CDH4: variants seen among roughly 807,000 people sequenced by gnomAD.
The protein encoded by CDH4 is cadherin-4.
A neutral mutation model predicts 86.0 loss-of-function variants in CDH4; 33 were observed. The ratio of observed to expected loss-of-function variants is 0.38; its 90% CI spans 0.29 to 0.51. The LOEUF (loss-of-function observed/expected upper bound fraction) is 0.51, where lower values mean the gene tolerates loss of function less well. Among genes scored for constraint, CDH4 ranks in the 20% least tolerant of loss-of-function variants. The pLI is 0.86. For missense variants in CDH4, 1,114 were observed against 1,307.4 expected (o/e 0.85, Z 2.28); for synonymous variants, 555 against 549.4 (o/e 1.01, Z -0.14).
intron 3 of CDH4, among the ~76,000 whole-genome samples, chr20:61,771,728 G>A (rs957827063): frequency 1.3e-5 from 2 of 152,020 alleles, no homozygotes; most frequent in Non-Finnish European, 2.9e-5. Context: ...CTTCATGTCA[G>A]TCTTAAAAGA....
chr20:61,732,395 C>T (rs558948415), intron 2 of CDH4, among the ~76,000 whole-genome samples: 6 of 152,248 alleles, frequency 3.9e-5, no homozygotes, highest in African/African-American at 7.2e-5. Context: ...ATCCAGAAAT[C>T]GTACTGGGGC....
At chr20:61,612,977 C>A (rs1718918746) in intron 2 of CDH4, among the ~76,000 whole-genome samples, 1 of 152,006 alleles carries the variant, frequency 6.6e-6, no homozygotes, top group Non-Finnish European at 1.5e-5. Context: ...CAGAAAACGA[C>A]CATGAACAGC....
chr20:61,288,694 C>T (rs961822485), intron 2 of CDH4, among the ~76,000 whole-genome samples: 2 of 152,228 alleles, frequency 1.3e-5, no homozygotes, highest in African/African-American at 2.4e-5. Context: ...GCTGGGCTGC[C>T]GCGGCCGGCT....
rs1251289774 is a variant in CDH4 at position 61,654,756 on chromosome 20, TGCCCAGGATGGCCAGC to T, written c.170-88803_170-88788del. Among the ~76,000 whole-genome samples, 32 of 152,390 alleles carry T rather than the reference TGCCCAGGATGGCCAGC, an allele frequency of 2.1e-4. No homozygotes were observed. The South Asian group carries it at 6.0e-3, about 29-fold the overall frequency. On this transcript the variant is annotated intron_variant, in intron 2 of 15. Transcript: ENST00000614565. ...AGTGTGGTCTCACCACTGTCAGCTT[TGCCCAGGATGGCCAGC>T]GCCAGTGGCCGTTAAACCAGTGGGC...
At chr20:61,920,007 A>T (rs75523110) in intron 9 of CDH4, among the ~76,000 whole-genome samples, 1 of 84,624 alleles carries the variant, frequency 1.2e-5, no homozygotes, top group Non-Finnish European at 2.6e-5. Flanking sequence ...GTGTGGTGTC[A>T]CAGTGATTGC....
At chr20:61,319,729 T>C (rs1382178859) in intron 2 of CDH4, among the ~76,000 whole-genome samples, 1 of 151,790 alleles carries the variant, frequency 6.6e-6, no homozygotes, top group Non-Finnish European at 1.5e-5. Context: ...ATGGATCACT[T>C]GAGCCCAGGA....
chr20:61,786,113 G>A (rs1014184790), intron 4 of CDH4, among the ~76,000 whole-genome samples: 3 of 152,140 alleles, frequency 2.0e-5, no homozygotes, highest in East Asian at 1.9e-4. Context: ...GGGGGTCTTC[G>A]GCTCAGCCCT....
intron 6 of CDH4, among the ~76,000 whole-genome samples, chr20:61,868,876 G>A (rs62206357): frequency 0.51 from 77,117 of 150,364 alleles, 21,733 homozygotes; most frequent in Non-Finnish European, 0.62. Flanking sequence ...CATCCCAGCC[G>A]GGCACACCTG....
rs2087476285 is a variant in CDH4, at chr20:61,678,966, A to G, written c.170-64597A>G. Among the ~76,000 whole-genome samples, 3 of 152,228 alleles carry G rather than the reference A, an allele frequency of 2.0e-5. No homozygotes were observed. In the South Asian group the frequency reaches 6.2e-4, roughly 32 times the overall value. The stretch of plus-strand genomic sequence containing the variant: ...ACACTATTCATCCCTGCAGTGTCCA[A>G]GAGGGAGAGTATGAAAATGACTCAG... On this transcript the variant is annotated intron_variant, in intron 2 of 15. Coordinates refer to ENST00000614565, the MANE Select transcript of CDH4 (RefSeq NM_001794.5).
chr20:61,555,104 CGTAT>C (rs747410623), intron 2 of CDH4, among the ~76,000 whole-genome samples: 4 of 151,878 alleles, frequency 2.6e-5, no homozygotes, highest in South Asian at 4.2e-4. Context: ...CAGTATGAGC[CGTAT>C]GTGTGTGTGT....
intron 2 of CDH4, among the ~76,000 whole-genome samples, chr20:61,256,546 G>A (rs551305221): frequency 1.3e-5 from 2 of 152,342 alleles, no homozygotes; most frequent in South Asian, 2.1e-4. Context: ...TGATCAGTGT[G>A]GTGGGAAAGC....
intron 2 of CDH4, among the ~76,000 whole-genome samples, chr20:61,607,225 T>C (rs1308477941): frequency 6.6e-6 from 1 of 152,222 alleles, no homozygotes; most frequent in Non-Finnish European, 1.5e-5. Context: ...TAAAGGTGGA[T>C]TTTTCCCTAG....
chr20:61,892,541 C>A (rs554137414), intron 7 of CDH4, among the ~76,000 whole-genome samples: 13 of 152,058 alleles, frequency 8.5e-5, no homozygotes, highest in Non-Finnish European at 1.6e-4. Context: ...GGAGAGAATT[C>A]CATGGGAAAG....
intron 9 of CDH4, among the ~76,000 whole-genome samples, chr20:61,923,081 G>A (rs1010319976): frequency 7.2e-5 from 11 of 152,204 alleles, no homozygotes; most frequent in African/African-American, 2.4e-4. Context: ...AACGTCAGGA[G>A]CCTTCCCCAC....
rs536368367 is a variant in CDH4, at chr20:61,373,147, C to T, written c.169+118210C>T. ...GCAGCAGCTGTCCCTTAACTGGGCA[C>T]GTCCTCTGTGTGGCCGACACTCCCG... On this transcript the variant is annotated intron_variant, in intron 2 of 15. Coordinates refer to ENST00000614565, the MANE Select transcript of CDH4 (RefSeq NM_001794.5). Among the ~76,000 whole-genome samples the T allele has an allele frequency of 2.3e-3, 353 of 152,352 alleles. 1 individual carries two copies. Among genetic ancestry groups the T allele is most frequent in the African/African-American group, 8.1e-3 (338 of 41,584 alleles).
chr20:61,722,589 C>A (rs182401870), intron 2 of CDH4, among the ~76,000 whole-genome samples: 8 of 152,290 alleles, frequency 5.3e-5, no homozygotes, highest in Non-Finnish European at 1.2e-4. Context: ...AAAAACAAGC[C>A]TCTTCCACTC....
intron 2 of CDH4, among the ~76,000 whole-genome samples, chr20:61,692,555 G>A (rs947554991): frequency 6.6e-6 from 1 of 152,066 alleles, no homozygotes; most frequent in Non-Finnish European, 1.5e-5. Context: ...TTTTACTGTG[G>A]GCACATTTTG....
In CDH4 at chr20:61,562,072, A is replaced by T. The variant is rs1038859193; in HGVS notation, c.170-181491A>T. Among the ~76,000 whole-genome samples the T allele has an allele frequency of 2.2e-5, 3 of 133,928 alleles. No individual in the cohort carries two copies. The South Asian group carries it at 7.9e-4, about 35-fold the overall frequency. The allele number at this position is 133,928 out of a possible 152,430, so 87.9% of individuals were successfully genotyped here. ...GACCCCAGGGCTCCCGGAGAGAGAGAGGGGCCTCCGTGTGGAGAGGTGGAC... is the reference window on the plus strand; with the variant it reads ...GACCCCAGGGCTCCCGGAGAGAGAGTGGGGCCTCCGTGTGGAGAGGTGGAC... On this transcript the variant is annotated intron_variant, in intron 2 of 15. Transcript: ENST00000614565.
intron 3 of CDH4, among the ~76,000 whole-genome samples, chr20:61,757,368 A>G (rs2088578718): frequency 1.3e-5 from 2 of 152,208 alleles, no homozygotes; most frequent in African/African-American, 4.8e-5. Flanking sequence ...GACGGGAGTG[A>G]CTATTGGAAT....
Sources: allele counts gnomAD v4.1 joint callset (sites outside exome capture counted in the v4.1 genomes callset), GRCh38; gene constraint gnomAD v4.1.1; transcripts MANE v1.5; gene names NCBI Gene and HGNC (gene_info 2026-07-23, HGNC 2026-07-21).